Variants in PRDM10 observed in about 807,000 individuals in gnomAD.
PRDM10 encodes the protein PR domain zinc finger protein 10.
PRDM10 carries 65 observed loss-of-function variants against 133.1 expected under a neutral mutation model. The observed-to-expected ratio is 0.49, with a 90% confidence interval of 0.40 to 0.60. The LOEUF (loss-of-function observed/expected upper bound fraction) is 0.60. Ranked by LOEUF, PRDM10 falls within the 20% of genes least tolerant of loss-of-function variation. PRDM10 has a pLI of 0.00. For missense variants in PRDM10, 1,137 were observed against 1,507.1 expected (o/e 0.75, Z 4.07); for synonymous variants, 582 against 580.4 (o/e 1.00, Z -0.04).
At chr11:129,994,665 T>G (rs1321258274) in intron 1 of PRDM10, among the ~76,000 whole-genome samples, 2 of 151,608 alleles carry the variant, frequency 1.3e-5, no homozygotes, top group East Asian at 3.9e-4. Flanking sequence ...CTTTCTCTTT[T>G]TTTTGAGACA....
intron 20 of PRDM10, among the ~76,000 whole-genome samples, chr11:129,902,975 T>A (rs1195542008): frequency 6.6e-6 from 1 of 151,996 alleles, no homozygotes; most frequent in African/African-American, 2.4e-5. Context: ...CTTCAGAATT[T>A]CAAAAGACCA....
At chr11:129,987,878 G>A (rs1359099525) in intron 1 of PRDM10, among the ~76,000 whole-genome samples, 1 of 152,158 alleles carries the variant, frequency 6.6e-6, no homozygotes, top group East Asian at 1.9e-4. Flanking sequence ...GCAGGTGCCT[G>A]TAGTTCCAGC....
chr11:129,972,064 G>A (rs1206297984), intron 1 of PRDM10, among the ~76,000 whole-genome samples: 1 of 152,252 alleles, frequency 6.6e-6, no homozygotes, highest in Non-Finnish European at 1.5e-5. Context: ...CACTGGCCCG[G>A]GTGCTAAGCC....
chr11:129,932,494 G>C (rs1950902279), intron 9 of PRDM10, among the ~76,000 whole-genome samples: 1 of 152,148 alleles, frequency 6.6e-6, no homozygotes, highest in Non-Finnish European at 1.5e-5. Context: ...ACAATATTTT[G>C]CTTCTGAAAT....
At chr11:129,915,118 T>G in intron 16 of PRDM10, 100 bp from the exon 17 acceptor site, 1 of 1,308,832 alleles carries the variant, frequency 7.6e-7, no homozygotes. Context: ...GTCTTTTATG[T>G]CTTAAAAAAA....
At chr11:129,909,225 G>A (rs577688310) in intron 19 of PRDM10, among the ~76,000 whole-genome samples, 91 of 151,622 alleles carry the variant, frequency 6.0e-4, no homozygotes, top group African/African-American at 2.0e-3. Flanking sequence ...TGAAGTGGGC[G>A]GATCACCTGA....
At position 129,932,137 on chromosome 11, in the gene PRDM10, T is replaced by C; in HGVS notation, c.1252A>G (p.Ser418Gly). The change falls in exon 10 of 21, where the codon AGC (serine) becomes GGC (glycine). Residue 418 changes from serine to glycine, a missense_variant. Physicochemically the swap from Ser to Gly is moderately conservative, Grantham distance 56 (BLOSUM62 0). Coordinates refer to ENST00000360871, the MANE Select transcript of PRDM10 (RefSeq NM_199437.2). ...TCGTCACTCTTTTCCCCATTTTCGCTGGTGATTTCCAGGCGGATAAATTTT... is the reference window on the plus strand; with the variant it reads ...TCGTCACTCTTTTCCCCATTTTCGCCGGTGATTTCCAGGCGGATAAATTTT... ...PPKFIRLEIT[S>G]ENGEKSDDGT... 1 of 1,614,144 alleles carries C rather than the reference T, an allele frequency of 6.2e-7. No homozygotes were observed. Among genetic ancestry groups the C allele is most frequent in the Non-Finnish European group, 8.5e-7 (1 of 1,180,006 alleles).
Position 129,918,424 on chromosome 11 carries a change from G to T in PRDM10, c.2214+115C>A. ...GCCTCTGTTTCTTCCCCTGGACATT[G>T]ACAAAACCATTGATCGATATAACTT... On this transcript the variant is annotated intron_variant, in intron 14 of 20. Coordinates refer to ENST00000360871, the MANE Select transcript of PRDM10 (RefSeq NM_199437.2). The surrounding 1 kb of genome is among the most constrained non-coding windows in gnomAD (Gnocchi z 5.3). 7.8e-7 allele frequency: 1 copy of T among 1,279,940 alleles called. No individual in the cohort carries two copies. Among genetic ancestry groups the T allele is most frequent in the Non-Finnish European group, 1.0e-6 (1 of 970,722 alleles). The allele number at this position is 1,279,940 out of a possible 1,614,324, so 79.3% of individuals were successfully genotyped here. A position where few individuals can be genotyped will look rare whatever the true frequency, so the allele number is the denominator to read the frequency against.
intron 1 of PRDM10, among the ~76,000 whole-genome samples, chr11:129,998,859 G>C (rs551181822): frequency 6.7e-6 from 1 of 148,464 alleles, no homozygotes; most frequent in Admixed American, 7.0e-5. Flanking sequence ...TCTCACTCTG[G>C]TTGCCCAGGC....
intron 20 of PRDM10, among the ~76,000 whole-genome samples, chr11:129,902,786 C>T (rs531802666): frequency 2.6e-5 from 4 of 152,204 alleles, no homozygotes; most frequent in South Asian, 4.1e-4. Context: ...TGGTAACATA[C>T]GTGGCAAAGA....
intron 20 of PRDM10, among the ~76,000 whole-genome samples, chr11:129,904,623 C>T (rs551603525): frequency 6.6e-6 from 1 of 152,176 alleles, no homozygotes; most frequent in Admixed American, 6.5e-5. Flanking sequence ...CTTCAGCCTC[C>T]TGAGTAGCTG....
chr11:129,991,460 G>A (rs1308704506), intron 1 of PRDM10, among the ~76,000 whole-genome samples: 1 of 152,168 alleles, frequency 6.6e-6, no homozygotes, highest in Non-Finnish European at 1.5e-5. Context: ...CAGGTGGGCA[G>A]ATCACCTGAG....
chr11:130,002,206 G>C (rs1054194797), intron 1 of PRDM10, among the ~76,000 whole-genome samples: 13 of 147,846 alleles, frequency 8.8e-5, no homozygotes, highest in African/African-American at 3.2e-4. Context: ...CGCGCCCGGA[G>C]CGCCCGCGCA....
At chr11:129,991,334 T>G (rs1938731207) in intron 1 of PRDM10, among the ~76,000 whole-genome samples, 1 of 152,226 alleles carries the variant, frequency 6.6e-6, no homozygotes, top group Non-Finnish European at 1.5e-5. Flanking sequence ...TCTTAACTGA[T>G]GTATTTCACC....
Position 129,918,433 on chromosome 11 carries a change from A to G in PRDM10, c.2214+106T>C. 1 of 1,328,788 alleles carries G rather than the reference A, an allele frequency of 7.5e-7. No homozygotes were observed. The highest frequency in any genetic ancestry group is 1.0e-6 in the Non-Finnish European group (1 of 1,002,968). The allele number at this position is 1,328,788 out of a possible 1,614,324, so 82.3% of individuals were successfully genotyped here. A position where few individuals can be genotyped will look rare whatever the true frequency, so the allele number is the denominator to read the frequency against. On this transcript the variant is annotated intron_variant, in intron 14 of 20. Coordinates refer to ENST00000360871, the MANE Select transcript of PRDM10 (RefSeq NM_199437.2). This position sits in a 1 kb window ranked among gnomAD's most constrained non-coding sequence, Gnocchi z 5.3. The stretch of plus-strand genomic sequence containing the variant: ...TCTTCCCCTGGACATTGACAAAACC[A>G]TTGATCGATATAACTTAGGACACAA...
At chr11:129,950,300 C>T (rs150478673) in intron 4 of PRDM10, among the ~76,000 whole-genome samples, 1 of 152,254 alleles carries the variant, frequency 6.6e-6, no homozygotes, top group East Asian at 1.9e-4. Flanking sequence ...TGACCTGCAA[C>T]GGCTGTGTAA....
At chr11:129,920,466 T>C (rs1324545135) in intron 13 of PRDM10, among the ~76,000 whole-genome samples, 1 of 152,152 alleles carries the variant, frequency 6.6e-6, no homozygotes, top group East Asian at 1.9e-4. Context: ...ATGACGCCTG[T>C]CTTGAACATG....
intron 10 of PRDM10, among the ~76,000 whole-genome samples, chr11:129,931,607 C>CA (rs1279626802): frequency 7.5e-5 from 11 of 146,532 alleles, no homozygotes; most frequent in Admixed American, 5.5e-4. Context: ...CTCGCTCTGT[C>CA]CCCAGGCTGG....
intron 8 of PRDM10, among the ~76,000 whole-genome samples, chr11:129,936,570 G>A (rs533670060): frequency 5.3e-5 from 8 of 152,148 alleles, no homozygotes; most frequent in African/African-American, 1.9e-4. Flanking sequence ...GGAGAATGGC[G>A]TGAGCCCGGG....
Sources: allele counts gnomAD v4.1 joint callset (sites outside exome capture counted in the v4.1 genomes callset), GRCh38; gene constraint gnomAD v4.1.1; non-coding constraint Gnocchi (gnomAD v3.1); transcripts MANE v1.5; gene names NCBI Gene and HGNC (gene_info 2026-07-23, HGNC 2026-07-21).